The following ZNF264 variants were observed in gnomAD, a reference collection of about 807,000 sequenced individuals.
The protein encoded by ZNF264 is zinc finger protein 264.
ZNF264 carries 11 observed loss-of-function variants against 11.2 expected under a neutral mutation model. The observed-to-expected ratio is 0.98, with a 90% CI of 0.62 to 1.63. The LOEUF is 1.63. Ranked by LOEUF, ZNF264 falls within the 40% of genes most tolerant of loss-of-function variation. ZNF264 has a pLI of 0.00. For synonymous variants in ZNF264, 309 were observed against 279.8 expected (o/e 1.10, Z -1.04); for missense variants, 752 against 768.1 (o/e 0.98, Z 0.25).
At chr19:57,195,164 C>G (rs879806587) in intron 2 of ZNF264, among the ~76,000 whole-genome samples, 6 of 152,160 alleles carry the variant, frequency 3.9e-5, no homozygotes, top group Non-Finnish European at 5.9e-5. Flanking sequence ...ACAATAAGGT[C>G]ATAATTATGC....
rs562651548 is a variant in ZNF264 at position 57,218,984 on chromosome 19, C to G, written c.*6003C>G. On this transcript the variant is annotated 3_prime_UTR_variant, in exon 4 of 4. Transcript: ENST00000263095. ...GGGGGAATAGAAAGCCCACAGTCTT[C>G]TGAGTTGTGCTACACCAATATTTCT... The G allele has an allele frequency of 7.2e-5, 11 of 152,298 alleles. No homozygotes were observed. Among genetic ancestry groups the G allele is most frequent in the Admixed American group, 3.3e-4 (5 of 15,298 alleles). The allele number at this position is 152,298 out of a possible 1,614,324, so 9.4% of individuals were successfully genotyped here.
chr19:57,193,160 A>G (rs982240958), intron 1 of ZNF264, among the ~76,000 whole-genome samples: 2 of 152,178 alleles, frequency 1.3e-5, no homozygotes, highest in African/African-American at 4.8e-5. Flanking sequence ...TTAGACCGTG[A>G]ATCATAGTAA....
At chr19:57,199,842 C>T (rs1363523482) in intron 2 of ZNF264, among the ~76,000 whole-genome samples, 1 of 151,652 alleles carries the variant, frequency 6.6e-6, no homozygotes, top group Non-Finnish European at 1.5e-5. Flanking sequence ...CTGGCAACTG[C>T]CTCAGGGGAG....
rs886510500 is a variant in ZNF264, at chr19:57,214,318, T to A, written c.*1337T>A. 1 of 152,228 alleles carries A rather than the reference T, an allele frequency of 6.6e-6. No homozygotes were observed. Among genetic ancestry groups the A allele is most frequent in the Non-Finnish European group, 1.5e-5 (1 of 68,078 alleles). 9.4% of individuals were successfully genotyped at this position (152,228 alleles called of 1,614,324 possible). A position where few individuals can be genotyped will look rare whatever the true frequency, so the allele number is the denominator to read the frequency against. On this transcript the variant is annotated 3_prime_UTR_variant, in exon 4 of 4. Coordinates refer to ENST00000263095, the MANE Select transcript of ZNF264 (RefSeq NM_003417.5). ...GCCATCCTTACCTGGTTCCTGATAGTAGGGGGGACAATGTTCAGTTTTTTG... is the reference window on the plus strand; with the variant it reads ...GCCATCCTTACCTGGTTCCTGATAGAAGGGGGGACAATGTTCAGTTTTTTG...
At chr19:57,206,398 C>T (rs1346077560) in intron 3 of ZNF264, among the ~76,000 whole-genome samples, 1 of 151,482 alleles carries the variant, frequency 6.6e-6, no homozygotes, top group Non-Finnish European at 1.5e-5. Context: ...CGCCCGCCAC[C>T]ACGCCCAGCT....
At chr19:57,209,866 A>G (rs1205494469) in intron 3 of ZNF264, among the ~76,000 whole-genome samples, 1 of 152,028 alleles carries the variant, frequency 6.6e-6, no homozygotes, top group African/African-American at 2.4e-5. Flanking sequence ...CCAAAGCACT[A>G]GGATTACAGG....
intron 2 of ZNF264, among the ~76,000 whole-genome samples, chr19:57,200,928 A>C (rs1478999483): frequency 1.3e-5 from 2 of 151,868 alleles, no homozygotes; most frequent in Non-Finnish European, 2.9e-5. Flanking sequence ...TTTTATAATA[A>C]AATTTTTTTT....
rs553257153 is a variant in ZNF264 at position 57,222,418 on chromosome 19, C to A, written c.*9437C>A. The A allele has an allele frequency of 6.7e-6, 1 of 150,222 alleles. No homozygotes were observed. Among genetic ancestry groups the A allele is most frequent in the African/African-American group, 2.4e-5 (1 of 40,862 alleles). The allele number at this position is 150,222 out of a possible 1,614,324, so 9.3% of individuals were successfully genotyped here. Reference sequence around the variant, plus strand: ...AAGCAAATCCTAAGTTACAGTGGAACTTATGAACACCCTAGCCTAGAGATT... The same window carrying A: ...AAGCAAATCCTAAGTTACAGTGGAAATTATGAACACCCTAGCCTAGAGATT... On this transcript the variant is annotated 3_prime_UTR_variant, in exon 4 of 4. Transcript: ENST00000263095.
rs912682938 is a variant in ZNF264 at position 57,192,589 on chromosome 19, T to G, written c.33+643T>G. The G allele has an allele frequency of 6.1e-6, 6 of 984,644 alleles. No individual in the cohort carries two copies. In the African/African-American group the frequency reaches 1.0e-4, roughly 17 times the overall value. 61.0% of individuals were successfully genotyped at this position (984,644 alleles called of 1,614,324 possible). ...ATGGTTGGTTCATTGTGGAATTTCC[T>G]TGGGGGATCTGGGAGACCCAGGGAG... On this transcript the variant is annotated intron_variant, in intron 1 of 3. Coordinates refer to ENST00000263095, the MANE Select transcript of ZNF264 (RefSeq NM_003417.5).
intron 2 of ZNF264, among the ~76,000 whole-genome samples, chr19:57,198,223 T>C (rs909846478): frequency 2.6e-5 from 4 of 151,934 alleles, no homozygotes; most frequent in Non-Finnish European, 5.9e-5. Context: ...ACATCTGGTA[T>C]AGCAGCTGCA....
At position 57,212,068 on chromosome 19, in the gene ZNF264, T is replaced by G. The variant is rs1189587053; in HGVS notation, c.971T>G (p.Phe324Cys). Reference protein sequence around the residue: ...SFVCTECGQVFRHRPGFLRHY... With the variant: ...SFVCTECGQVCRHRPGFLRHY... Reference sequence around the variant, plus strand: ...GTGTGCACAGAATGTGGCCAAGTCTTTCGACATAGGCCAGGCTTTCTCCGG... The same window carrying G: ...GTGTGCACAGAATGTGGCCAAGTCTGTCGACATAGGCCAGGCTTTCTCCGG... Residue 324 changes from phenylalanine to cysteine, a missense_variant, in exon 4 of 4, where the codon TTT becomes TGT. By Grantham distance (205) the Phe-to-Cys change is radical. Coordinates refer to ENST00000263095, the MANE Select transcript of ZNF264 (RefSeq NM_003417.5). 1 of 1,614,040 alleles carries G rather than the reference T, an allele frequency of 6.2e-7. No homozygotes were observed. The highest frequency in any genetic ancestry group is 1.7e-5 in the Admixed American group (1 of 60,018).
intron 2 of ZNF264, 144 bp from the exon 3 acceptor site, chr19:57,205,253 G>C: frequency 1.4e-6 from 1 of 696,818 alleles, no homozygotes; most frequent in Non-Finnish European, 2.4e-6. Context: ...TTGGTTTCCA[G>C]GTCACATGCC....
chr19:57,212,577 C>A lies in ZNF264; in HGVS notation c.1480C>A (p.Arg494Ser), dbSNP rs758833496. 1 of 1,613,942 alleles carries A rather than the reference C, an allele frequency of 6.2e-7. No homozygotes were observed. Among genetic ancestry groups the A allele is most frequent in the Non-Finnish European group, 8.5e-7 (1 of 1,180,020 alleles). Residue 494 changes from arginine to serine, a missense_variant, in exon 4 of 4, where the codon CGC becomes AGC. Arg to Ser is a moderately radical substitution (Grantham distance 110, BLOSUM62 -1). Transcript: ENST00000263095. ...CGTGGAGTGTGGAAAGGCCTTCACC[C>A]GCATGTCGGGCCTCACGAGGCACAA... is the stretch of plus-strand genomic sequence containing the variant. ...ECVECGKAFT[R>S]MSGLTRHKRI...
rs57748192 is a variant in ZNF264 at position 57,207,978 on chromosome 19, G to C, written c.256+2486G>C. Among the ~76,000 whole-genome samples the C allele has an allele frequency of 2.1e-3, 312 of 151,932 alleles. 4 individuals are homozygous for C. The highest frequency in any genetic ancestry group is 7.2e-3 in the African/African-American group (299 of 41,450). On this transcript the variant is annotated intron_variant, in intron 3 of 3. Transcript: ENST00000263095. Reference sequence around the variant, plus strand: ...TGACCTCAGGTGATCCACCCGCCTTGGCCTTCCAAAGTGCTGGGATTACAG... The same window carrying C: ...TGACCTCAGGTGATCCACCCGCCTTCGCCTTCCAAAGTGCTGGGATTACAG...
intron 2 of ZNF264, among the ~76,000 whole-genome samples, chr19:57,204,413 G>A (rs367900094): frequency 6.6e-6 from 1 of 152,272 alleles, no homozygotes; most frequent in Non-Finnish European, 1.5e-5. Flanking sequence ...CCCATGTGTC[G>A]TGGGAGGTAA....
intron 2 of ZNF264, among the ~76,000 whole-genome samples, chr19:57,195,553 A>G (rs2087206124): frequency 6.7e-6 from 1 of 149,430 alleles, no homozygotes; most frequent in Admixed American, 6.6e-5. Context: ...GGTCTGGGCC[A>G]TTTGTAGTCC....
At chr19:57,198,818 G>A (rs931132275) in intron 2 of ZNF264, among the ~76,000 whole-genome samples, 1 of 151,892 alleles carries the variant, frequency 6.6e-6, no homozygotes. Context: ...ATGAGAGAAA[G>A]ATTAACAGCA....
Position 57,198,136 on chromosome 19 carries a change from A to G in ZNF264, c.160+4135A>G, listed in dbSNP as rs2087225763. 1.3e-5 allele frequency among the ~76,000 whole-genome samples: 2 copies of G among 152,018 alleles called. 1 individual carries two copies. The highest frequency in any genetic ancestry group is 4.8e-5 in the African/African-American group (2 of 41,258). On this transcript the variant is annotated intron_variant, in intron 2 of 3. Coordinates refer to ENST00000263095, the MANE Select transcript of ZNF264 (RefSeq NM_003417.5). ...TGGTGGGCCTTATGGACAGGAATGG[A>G]GAAAAAGGCATTTGCCAAGTCAGCG...
At chr19:57,209,701 C>T (rs918692052) in intron 3 of ZNF264, among the ~76,000 whole-genome samples, 6 of 152,084 alleles carry the variant, frequency 3.9e-5, no homozygotes, top group Admixed American at 6.5e-5. Context: ...GTCAGCCTCC[C>T]GAGTAGTTGG....
Sources: gnomAD v4.1 joint callset for allele counts (sites outside exome capture counted in the v4.1 genomes callset) on GRCh38, gnomAD v4.1.1 for gene constraint, MANE v1.5 for transcripts, NCBI Gene and HGNC (gene_info 2026-07-23, HGNC 2026-07-21) for gene names.